The following POLK variants were observed in gnomAD, a reference collection of about 807,000 sequenced individuals.
POLK encodes polymerase (DNA directed) kappa.
POLK carries 76 observed loss-of-function variants against 94.0 expected under a neutral mutation model. That is an observed-to-expected ratio of 0.81 (90% CI 0.67 to 0.98). The LOEUF (loss-of-function observed/expected upper bound fraction) is 0.98. Ranked by LOEUF, POLK falls within the 50% of genes least tolerant of loss-of-function variation. The probability of loss-of-function intolerance (pLI) is 0.00; values close to 1 mark genes in which losing one functional copy is unlikely to be tolerated. For synonymous variants in POLK, 349 were observed against 325.4 expected (o/e 1.07, Z -0.78); for missense variants, 954 against 1,010.1 (o/e 0.94, Z 0.75).
Position 75,540,829 on chromosome 5 carries a change from T to G in POLK, c.-13-6181T>G, listed in dbSNP as rs149484570. 2.8e-4 allele frequency among the ~76,000 whole-genome samples: 43 copies of G among 152,290 alleles called. No homozygotes were observed. In the East Asian group the frequency reaches 7.7e-3, roughly 27 times the overall value. On this transcript the variant is annotated intron_variant, in intron 1 of 14. Coordinates refer to ENST00000241436, the Ensembl canonical transcript of POLK. ...CCAAAGAAACTCCCAGCCTATCTCC[T>G]TCATGTTGATTCAGCATTCCAAGAA...
At chr5:75,606,779 T>C in the POLK span, among the ~76,000 whole-genome samples, 1 of 152,228 alleles carries the variant, frequency 6.6e-6, no homozygotes, top group South Asian at 2.1e-4. Context: ...TGATCTCTCT[T>C]GCTTTTCCCC....
chr5:75,569,489 G>A, exon 4 of POLK: 1 of 1,608,962 alleles, frequency 6.2e-7, no homozygotes, highest in Non-Finnish European at 8.5e-7. Context: ...CAATGAGTAT[G>A]CTGGTAAGTA....
intron 1 of POLK, among the ~76,000 whole-genome samples, chr5:75,537,454 CTG>C (rs1283121644): frequency 1.3e-5 from 2 of 152,252 alleles, no homozygotes; most frequent in Non-Finnish European, 2.9e-5. Flanking sequence ...TCCGTGCTCT[CTG>C]TGTTTCCCTG....
At chr5:75,524,308 G>A (rs1311277475) in intron 1 of POLK, among the ~76,000 whole-genome samples, 5 of 152,102 alleles carry the variant, frequency 3.3e-5, no homozygotes, top group African/African-American at 1.2e-4. Context: ...AGTCCCAGGT[G>A]CCTTCCTTAA....
intron 3 of POLK, among the ~76,000 whole-genome samples, chr5:75,559,505 G>GTTTTTTTTTTTTTTTT (rs1561371144): frequency 8.6e-5 from 6 of 70,074 alleles, no homozygotes; most frequent in African/African-American, 1.4e-4. Context: ...TTTGGGGTTT[G>GTTTTTTTTTTTTTTTT]TTTTTTTGTT....
exon 1 of POLK, chr5:75,511,903 C>T: frequency 1.5e-6 from 2 of 1,368,328 alleles, no homozygotes; most frequent in Admixed American, 2.2e-5. Flanking sequence ...AGTCGCGATC[C>T]TGAGGTAACG....
At chr5:75,550,580 G>T (rs1474309372) in intron 2 of POLK, among the ~76,000 whole-genome samples, 1 of 151,300 alleles carries the variant, frequency 6.6e-6, no homozygotes, top group African/African-American at 2.4e-5. Context: ...CTCCTTCTCA[G>T]AAAAAGATAA....
chr5:75,510,968 C>T, upstream of POLK: 3 of 1,169,822 alleles, frequency 2.6e-6, no homozygotes, highest in Non-Finnish European at 3.4e-6. Flanking sequence ...ATATCCCCGC[C>T]TCATCCCTAG....
At chr5:75,522,371 C>T (rs920481518) in intron 1 of POLK, among the ~76,000 whole-genome samples, 3 of 152,092 alleles carry the variant, frequency 2.0e-5, no homozygotes, top group Admixed American at 2.0e-4. Context: ...TATTTGAGTT[C>T]TGGGCTATTA....
At chr5:75,521,639 G>T (rs1297161329) in intron 1 of POLK, among the ~76,000 whole-genome samples, 1 of 152,008 alleles carries the variant, frequency 6.6e-6, no homozygotes, top group African/African-American at 2.4e-5. Context: ...GTTTGCTGTT[G>T]TTTCTTTTGG....
rs558331977 is a variant in POLK, at chr5:75,597,049, C to A, written c.2356C>A (p.Gln786Lys). 28 of 1,613,518 alleles carry A rather than the reference C, an allele frequency of 1.7e-5. No individual in the cohort carries two copies. The African/African-American group carries it at 2.9e-4, about 17-fold the overall frequency. The change falls in exon 13 of 15, where the codon CAA (glutamine) becomes AAA (lysine). Residue 786 changes from glutamine (Q) to lysine (K), a missense_variant. By Grantham distance (53) the Gln-to-Lys change is moderately conservative (BLOSUM62 1). Coordinates refer to ENST00000241436, the Ensembl canonical transcript of POLK. ...AGTTTGTCCTGTTTGTAACGTAGAA[C>A]AAAAGACTTCAGATCTAACCCTGTT...
At chr5:75,564,238 C>G (rs539920119) in intron 3 of POLK, among the ~76,000 whole-genome samples, 151 of 149,872 alleles carry the variant, frequency 1.0e-3, no homozygotes, top group African/African-American at 3.5e-3. Flanking sequence ...TTTCTTCTTT[C>G]TTTCTTTCTT....
chr5:75,586,040 G>C (rs1772453755), intron 9 of POLK, among the ~76,000 whole-genome samples: 1 of 152,096 alleles, frequency 6.6e-6, no homozygotes, highest in Non-Finnish European at 1.5e-5. Flanking sequence ...AATTATATTT[G>C]AAGATAGCAG....
chr5:75,534,576 C>T (rs1461349585), intron 1 of POLK, among the ~76,000 whole-genome samples: 1 of 152,094 alleles, frequency 6.6e-6, no homozygotes, highest in Non-Finnish European at 1.5e-5. Context: ...GTTACAATCT[C>T]CCACCATTAT....
intron 6 of POLK, among the ~76,000 whole-genome samples, chr5:75,577,830 T>C (rs1204403347): frequency 6.6e-6 from 1 of 152,228 alleles, no homozygotes; most frequent in African/African-American, 2.4e-5. Context: ...ACAACTTCAT[T>C]ACCTTATTTA....
intron 5 of POLK, among the ~76,000 whole-genome samples, chr5:75,574,144 ATAAAAT>A (rs1024846656): frequency 6.6e-6 from 1 of 152,202 alleles, no homozygotes; most frequent in African/African-American, 2.4e-5. Flanking sequence ...TAATGATAAT[ATAAAAT>A]TAAATTTAGC....
intron 10 of POLK, among the ~76,000 whole-genome samples, chr5:75,587,715 G>A (rs1180604103): frequency 6.6e-6 from 1 of 152,166 alleles, no homozygotes; most frequent in Non-Finnish European, 1.5e-5. Flanking sequence ...GAGGCCAGGA[G>A]TTCGAGACCA....
At chr5:75,517,968 T>A (rs1231561068) in intron 1 of POLK, among the ~76,000 whole-genome samples, 1 of 152,224 alleles carries the variant, frequency 6.6e-6, no homozygotes, top group Non-Finnish European at 1.5e-5. Flanking sequence ...GAACTATCCT[T>A]GCGTCCCTTG....
At chr5:75,530,949 G>A (rs2112571119) in intron 1 of POLK, among the ~76,000 whole-genome samples, 1 of 151,762 alleles carries the variant, frequency 6.6e-6, no homozygotes, top group South Asian at 2.1e-4. Context: ...GGGACTACAG[G>A]TGCCTGCCAC....
Sources: allele counts gnomAD v4.1 joint callset (sites outside exome capture counted in the v4.1 genomes callset), GRCh38; gene constraint gnomAD v4.1.1; transcripts MANE v1.5; gene names NCBI Gene and HGNC (gene_info 2026-07-23, HGNC 2026-07-21).